Variants in NFATC3 observed in about 807,000 individuals in gnomAD.
NFATC3 encodes nuclear factor of activated T cells 3, also known as nuclear factor of activated T-cells, cytoplasmic 3.
NFATC3 carries 46 observed loss-of-function variants against 98.6 expected under a neutral mutation model. The observed-to-expected ratio is 0.47, with a 90% CI of 0.37 to 0.60. The LOEUF is 0.60. Ranked by LOEUF, NFATC3 falls within the 20% of genes least tolerant of loss-of-function variation. The pLI, the probability that NFATC3 is intolerant of heterozygous loss-of-function variation, is 0.00. For synonymous variants in NFATC3, 512 were observed against 472.2 expected (o/e 1.08, Z -1.09); for missense variants, 1,256 against 1,295.5 (o/e 0.97, Z 0.47).
rs778016298 is a variant in NFATC3 at position 68,104,653 on chromosome 16, G to GTTTTTTTTTTTTTTTTTTTTTTTTTT, written c.104-17318_104-17317insTTTTTTTTTTTTTTTTTTTTTTTTTT. 2.6e-4 allele frequency among the ~76,000 whole-genome samples: 33 copies of GTTTTTTTTTTTTTTTTTTTTTTTTTT among 126,680 alleles called. 2 individuals are homozygous for GTTTTTTTTTTTTTTTTTTTTTTTTTT. Among genetic ancestry groups the GTTTTTTTTTTTTTTTTTTTTTTTTTT allele is most frequent in the African/African-American group, 3.8e-4 (12 of 31,854 alleles). 83.1% of individuals were successfully genotyped at this position (126,680 alleles called of 152,430 possible). On this transcript the variant is annotated intron_variant, in intron 1 of 9. Coordinates refer to ENST00000346183, the MANE Select transcript of NFATC3 (RefSeq NM_173165.3). ...GTTAGCTGTGGGCTTTTCACAAATGGTTTTTTTTTTTTTTTTGAAATGGAG... is the reference window on the plus strand; with the variant it reads ...GTTAGCTGTGGGCTTTTCACAAATGGTTTTTTTTTTTTTTTTTTTTTTTTTTTTTTTTTTTTTTTTTTGAAATGGAG...
chr16:68,198,263 A>G (rs1224589445), intron 9 of NFATC3, among the ~76,000 whole-genome samples: 2 of 151,424 alleles, frequency 1.3e-5, no homozygotes, highest in Admixed American at 1.3e-4. Flanking sequence ...GGCTTCAGTG[A>G]GTGGTGATCA....
intron 1 of NFATC3, among the ~76,000 whole-genome samples, chr16:68,101,123 G>T (rs1323875199): frequency 6.6e-6 from 1 of 152,038 alleles, no homozygotes; most frequent in East Asian, 1.9e-4. Context: ...TGCTCACAAA[G>T]ATTTTCTCCT....
chr16:68,206,063 A>G (rs902847461), intron 9 of NFATC3, among the ~76,000 whole-genome samples: 3 of 152,082 alleles, frequency 2.0e-5, no homozygotes, highest in Non-Finnish European at 4.4e-5. Flanking sequence ...TGATTTATAG[A>G]AGCCCTTTGT....
chr16:68,150,190 C>G (rs2038239594), intron 3 of NFATC3, among the ~76,000 whole-genome samples: 1 of 152,066 alleles, frequency 6.6e-6, no homozygotes, highest in Non-Finnish European at 1.5e-5. Context: ...AGATCAGTGT[C>G]TCTCAGCTCT....
rs60304758 is a variant in NFATC3, at chr16:68,090,322, AAC to A, written c.103+4555_103+4556del. 5.9e-3 allele frequency among the ~76,000 whole-genome samples: 740 copies of A among 125,530 alleles called. 6 individuals carry two copies. The highest frequency in any genetic ancestry group is 0.02 in the African/African-American group (675 of 33,158). The allele number at this position is 125,530 out of a possible 152,430, so 82.4% of individuals were successfully genotyped here. On this transcript the variant is annotated intron_variant, in intron 1 of 9. Transcript: ENST00000346183. ...CCCCCCCCCCCAACATTTCTTTAAAAACACACACACACACACACGCACACACA... is the reference window on the plus strand; with the variant it reads ...CCCCCCCCCCCAACATTTCTTTAAAAACACACACACACACACGCACACACA...
intron 5 of NFATC3, among the ~76,000 whole-genome samples, chr16:68,172,061 C>A (rs2039490802): frequency 6.6e-6 from 1 of 151,354 alleles, no homozygotes; most frequent in South Asian, 2.1e-4. Flanking sequence ...GCTCGAACTC[C>A]TGACCTCGTT....
At position 68,085,633 on chromosome 16, in the gene NFATC3, TGCCGCC is replaced by T; in HGVS notation, c.-39_-34del. The T allele has an allele frequency of 6.9e-7, 1 of 1,449,258 alleles. No individual in the cohort carries two copies. Among genetic ancestry groups the T allele is most frequent in the Non-Finnish European group, 9.1e-7 (1 of 1,094,760 alleles). 89.8% of individuals were successfully genotyped at this position (1,449,258 alleles called of 1,614,324 possible). On this transcript the variant is annotated 5_prime_UTR_variant, in exon 1 of 10. Coordinates refer to ENST00000346183, the MANE Select transcript of NFATC3 (RefSeq NM_173165.3). ...AGGAGCTGCTGCCGCCGCTTGCCGC[TGCCGCC>T]GCCGCCGCCTGAGGAGGAGCTGCAG...
At chr16:68,142,744 T>C (rs1309822766) in intron 3 of NFATC3, among the ~76,000 whole-genome samples, 1 of 151,454 alleles carries the variant, frequency 6.6e-6, no homozygotes, top group Non-Finnish European at 1.5e-5. Context: ...GGTGACAGAG[T>C]GAGACTGTCT....
At chr16:68,146,899 G>A (rs2038065155) in intron 3 of NFATC3, among the ~76,000 whole-genome samples, 1 of 152,232 alleles carries the variant, frequency 6.6e-6, no homozygotes, top group Non-Finnish European at 1.5e-5. Flanking sequence ...AACAGTAGTA[G>A]TAATTTATTT....
chr16:68,188,547 A>G (rs1355400165), intron 8 of NFATC3, among the ~76,000 whole-genome samples: 1 of 152,188 alleles, frequency 6.6e-6, no homozygotes, highest in Non-Finnish European at 1.5e-5. Context: ...TGGCCACTCT[A>G]GATGGGCAAC....
chr16:68,136,745 G>A (rs1444736499), intron 3 of NFATC3, among the ~76,000 whole-genome samples: 2 of 152,040 alleles, frequency 1.3e-5, no homozygotes, highest in Non-Finnish European at 2.9e-5. Flanking sequence ...CTAATATGTG[G>A]TATAACCAGT....
chr16:68,207,086 G>A (rs910271819), intron 9 of NFATC3, among the ~76,000 whole-genome samples: 3 of 151,376 alleles, frequency 2.0e-5, no homozygotes, highest in Non-Finnish European at 4.4e-5. Context: ...GAGGCAGGTG[G>A]ATCACCTCAG....
At chr16:68,141,802 CTT>C (rs1448963572) in intron 3 of NFATC3, among the ~76,000 whole-genome samples, 7 of 152,198 alleles carry the variant, frequency 4.6e-5, no homozygotes, top group Non-Finnish European at 1.0e-4. Context: ...AGTGCAGAAT[CTT>C]TTTAGTTTAA....
chr16:68,087,301 A>C (rs1267118146), intron 1 of NFATC3, among the ~76,000 whole-genome samples: 3 of 152,224 alleles, frequency 2.0e-5, no homozygotes, highest in Non-Finnish European at 2.9e-5. Context: ...ATAATAAAGG[A>C]ATTGTGTGAC....
intron 9 of NFATC3, among the ~76,000 whole-genome samples, chr16:68,223,786 T>C (rs1046230338): frequency 1.3e-4 from 19 of 148,624 alleles, no homozygotes; most frequent in African/African-American, 4.5e-4. Context: ...TCCTAGCTAC[T>C]TGGGAGGCTG....
At chr16:68,124,213 T>C (rs919822530) in intron 2 of NFATC3, among the ~76,000 whole-genome samples, 1 of 152,002 alleles carries the variant, frequency 6.6e-6, no homozygotes, top group Admixed American at 6.6e-5. Flanking sequence ...GCAATCCTTA[T>C]ACCTCAGGCT....
chr16:68,204,383 G>T (rs1453954285), intron 9 of NFATC3, among the ~76,000 whole-genome samples: 2 of 152,106 alleles, frequency 1.3e-5, no homozygotes, highest in Non-Finnish European at 2.9e-5. Flanking sequence ...AAATGGTAAT[G>T]AATTATGGTT....
intron 2 of NFATC3, among the ~76,000 whole-genome samples, chr16:68,124,677 C>T (rs1244352729): frequency 1.3e-5 from 2 of 151,918 alleles, no homozygotes; most frequent in African/African-American, 4.8e-5. Flanking sequence ...TCGTGATCCT[C>T]CCACCTCGGC....
intron 9 of NFATC3, chr16:68,224,640 C>T (rs1259935792): frequency 6.8e-6 from 1 of 146,106 alleles, no homozygotes; most frequent in Non-Finnish European, 1.5e-5. Flanking sequence ...TGCAGTGGCA[C>T]AATCTCGGCT....
Sources: gnomAD v4.1 joint callset for allele counts (sites outside exome capture counted in the v4.1 genomes callset) on GRCh38, gnomAD v4.1.1 for gene constraint, MANE v1.5 for transcripts, NCBI Gene and HGNC (gene_info 2026-07-23, HGNC 2026-07-21) for gene names.